The following TUB variants were observed in gnomAD, a reference collection of about 807,000 sequenced individuals.
TUB encodes TUB bipartite transcription factor.
A neutral mutation model predicts 59.7 loss-of-function variants in TUB; 33 were observed. The observed-to-expected ratio is 0.55, with a 90% confidence interval of 0.42 to 0.74. The LOEUF (loss-of-function observed/expected upper bound fraction) is 0.74, where lower values mean the gene tolerates loss of function less well. Among genes scored for constraint, TUB ranks in the 30% least tolerant of loss-of-function variants. The probability of loss-of-function intolerance (pLI) is 0.00; values close to 1 mark genes in which losing one functional copy is unlikely to be tolerated. For synonymous variants in TUB, 293 were observed against 256.4 expected, an observed-to-expected ratio of 1.14 and a Z score of -1.36; for missense variants, 659 against 672.0, an observed-to-expected ratio of 0.98 and a Z score of 0.21.
At chr11:8,033,267 G>A (rs1286554861) in intron 1 of TUB, among the ~76,000 whole-genome samples, 5 of 152,222 alleles carry the variant, frequency 3.3e-5, no homozygotes, top group South Asian at 2.1e-4. Context: ...TCAGGGGTCC[G>A]TTTCAGGGCC....
chr11:8,075,744 A>C (rs1268072034), intron 2 of TUB: 1 of 151,798 alleles, frequency 6.6e-6, no homozygotes, highest in Non-Finnish European at 1.5e-5. Context: ...GAAACGTCAG[A>C]GTTACACCAT....
In TUB at chr11:8,100,444, A is replaced by C. The variant is rs1023014190; in HGVS notation, c.1117-59A>C. 5 of 1,370,986 alleles carry C rather than the reference A, an allele frequency of 3.6e-6. No individual in the cohort carries two copies. In the African/African-American group the frequency reaches 4.3e-5, roughly 12 times the overall value. The allele number at this position is 1,370,986 out of a possible 1,614,324, so 84.9% of individuals were successfully genotyped here. A position where few individuals can be genotyped will look rare whatever the true frequency, so the allele number is the denominator to read the frequency against. ...CTTCCTCTTTATTCCCGTCCCCCCC[A>C]CCTTCTCCAGTAGGTAAATAGACGC... is the stretch of plus-strand genomic sequence containing the variant. On this transcript the variant is annotated intron_variant, in intron 9 of 11. Coordinates refer to ENST00000299506, the MANE Select transcript of TUB (RefSeq NM_177972.3).
At position 8,103,186 on chromosome 11, in the gene TUB, G is replaced by C. The variant is rs530614776; in HGVS notation, c.*1567G>C. 2 of 152,218 alleles carry C rather than the reference G, an allele frequency of 1.3e-5. No individual in the cohort carries two copies. Among genetic ancestry groups the C allele is most frequent in the African/African-American group, 2.4e-5 (1 of 41,442 alleles). The allele number at this position is 152,218 out of a possible 1,614,324, so 9.4% of individuals were successfully genotyped here. On this transcript the variant is annotated 3_prime_UTR_variant, in exon 12 of 12. Transcript: ENST00000299506. ...GCATAAAGGTTCTGGGGCTGGGCCT[G>C]AGCCTAACTCCCTCCACTACCGCTA...
In TUB at chr11:8,081,214, C is replaced by T. The variant is rs866290684; in HGVS notation, c.-297C>T. Reference sequence around the variant, plus strand: ...CAGGCCGCCGCTGCCACGCAGTACTCCCGCCTTGGCGCCAGAGGGGCGCGG... The same window carrying T: ...CAGGCCGCCGCTGCCACGCAGTACTTCCGCCTTGGCGCCAGAGGGGCGCGG... On this transcript the variant is annotated 5_prime_UTR_variant, in exon 1 of 12. Transcript: ENST00000299506. The T allele has an allele frequency of 8.3e-6, 2 of 241,594 alleles. No individual in the cohort carries two copies. Among genetic ancestry groups the T allele is most frequent in the Non-Finnish European group, 1.3e-5 (2 of 150,238 alleles). 15.0% of individuals were successfully genotyped at this position (241,594 alleles called of 1,614,324 possible).
intron 2 of TUB, among the ~76,000 whole-genome samples, chr11:8,059,170 T>A (rs555711655): frequency 6.6e-6 from 1 of 152,182 alleles, no homozygotes; most frequent in African/African-American, 2.4e-5. Flanking sequence ...CAGCCTGACC[T>A]CCTCCTGGCC....
intron 2 of TUB, among the ~76,000 whole-genome samples, chr11:8,052,755 G>A (rs373014440): frequency 3.3e-5 from 5 of 152,250 alleles, no homozygotes; most frequent in Admixed American, 1.3e-4. Context: ...GATTACAGGC[G>A]TGAGCCACTG....
rs984715848 is a variant in TUB, at chr11:8,101,893, T to A, written c.*274T>A. On this transcript the variant is annotated 3_prime_UTR_variant, in exon 12 of 12. Transcript: ENST00000299506. The stretch of plus-strand genomic sequence containing the variant: ...ACACACACTCCCACCCTTGGGGTAG[T>A]AGTGTGTTGTAGTCGTACTTACCAA... The A allele has an allele frequency of 4.4e-6, 2 of 453,122 alleles. No homozygotes were observed. The highest frequency in any genetic ancestry group is 3.9e-6 in the Non-Finnish European group (1 of 253,836). The allele number at this position is 453,122 out of a possible 1,614,324, so 28.1% of individuals were successfully genotyped here. A position where few individuals can be genotyped will look rare whatever the true frequency, so the allele number is the denominator to read the frequency against.
At chr11:8,062,175 C>T (rs1943141565) in intron 2 of TUB, 1 of 152,596 alleles carries the variant, frequency 6.6e-6, no homozygotes, top group African/African-American at 2.4e-5. Flanking sequence ...GGGTTTGGAC[C>T]TGGGCCTGGG....
intron 3 of TUB, among the ~76,000 whole-genome samples, chr11:8,091,982 A>G (rs557682272): frequency 6.6e-6 from 1 of 152,386 alleles, no homozygotes; most frequent in South Asian, 2.1e-4. Context: ...GCCTGCACCC[A>G]GGATTGTGGG....
chr11:8,105,903 C>CG lies in TUB; in HGVS notation c.*4286dup, dbSNP rs1409097432. On this transcript the variant is annotated 3_prime_UTR_variant, in exon 12 of 12. Coordinates refer to ENST00000299506, the MANE Select transcript of TUB (RefSeq NM_177972.3). ...GCTAGGAAAGGGAAGCCTGACTGCT[C>CG]GGTCAGGAGGGTGCAGTATCTCTTG... The CG allele has an allele frequency of 1.3e-5, 2 of 152,066 alleles. No individual in the cohort carries two copies. Among genetic ancestry groups the CG allele is most frequent in the East Asian group, 3.9e-4 (2 of 5,188 alleles). The allele number at this position is 152,066 out of a possible 1,614,324, so 9.4% of individuals were successfully genotyped here.
intron 3 of TUB, among the ~76,000 whole-genome samples, chr11:8,091,167 T>C (rs1403502164): frequency 6.6e-6 from 1 of 152,152 alleles, no homozygotes; most frequent in East Asian, 1.9e-4. Flanking sequence ...TTCATCTAAC[T>C]GCTGGCCCAT....
In TUB at chr11:8,096,493, T is replaced by G. The variant is rs531976258; in HGVS notation, c.566-192T>G. 6.6e-5 allele frequency among the ~76,000 whole-genome samples: 10 copies of G among 152,336 alleles called. No individual in the cohort carries two copies. In the South Asian group the frequency reaches 1.5e-3, roughly 22 times the overall value. ...TGTGTGTACCTGAGAGAATATCCTT[T>G]TATATCTGGACATGTGTGGGAATAT... On this transcript the variant is annotated intron_variant, in intron 5 of 11. Transcript: ENST00000299506.
At chr11:8,092,831 C>T (rs1943825078) in intron 3 of TUB, among the ~76,000 whole-genome samples, 1 of 152,156 alleles carries the variant, frequency 6.6e-6, no homozygotes, top group African/African-American at 2.4e-5. Context: ...TCCCTGTCTG[C>T]CCTCTACTGG....
At chr11:8,083,936 G>C (rs1324417643) in intron 1 of TUB, among the ~76,000 whole-genome samples, 5 of 152,286 alleles carry the variant, frequency 3.3e-5, no homozygotes, top group Non-Finnish European at 5.9e-5. Context: ...GATTCAAATT[G>C]CCTCTTGCAT....
intron 1 of TUB, among the ~76,000 whole-genome samples, chr11:8,027,906 G>A (rs77253671): frequency 8.8e-4 from 134 of 152,322 alleles, no homozygotes; most frequent in African/African-American, 3.0e-3. Flanking sequence ...ACATTGGTGC[G>A]CGCATATCTA....
Position 8,098,755 on chromosome 11 carries a change from C to A in TUB, c.999-3C>A. ...CTCTATACTGATTGTGCCTTTATTT[C>A]AGGTCCAACTTGATGGGCACCAAGT... is the stretch of plus-strand genomic sequence containing the variant. On this transcript the variant is annotated splice_region_variant and splice_polypyrimidine_tract_variant and intron_variant, in intron 8 of 11. Coordinates refer to ENST00000299506, the MANE Select transcript of TUB (RefSeq NM_177972.3). 1 of 1,610,684 alleles carries A rather than the reference C, an allele frequency of 6.2e-7. No homozygotes were observed. Among genetic ancestry groups the A allele is most frequent in the East Asian group, 2.2e-5 (1 of 44,856 alleles).
chr11:8,074,798 G>T (rs537890832), intron 2 of TUB, among the ~76,000 whole-genome samples: 23 of 140,210 alleles, frequency 1.6e-4, no homozygotes, highest in Admixed American at 5.4e-4. Flanking sequence ...CGAGACTGGA[G>T]TGCAGTGGCA....
At chr11:8,061,743 C>T (rs1436797408) in intron 2 of TUB, among the ~76,000 whole-genome samples, 1 of 152,090 alleles carries the variant, frequency 6.6e-6, no homozygotes, top group Non-Finnish European at 1.5e-5. Context: ...TCCAGATCCC[C>T]AAATAAAGCC....
intron 3 of TUB, among the ~76,000 whole-genome samples, chr11:8,091,757 G>C (rs1018998490): frequency 6.6e-6 from 1 of 152,164 alleles, no homozygotes; most frequent in Non-Finnish European, 1.5e-5. Context: ...AGCCCCAGCT[G>C]CTCCTCACAG....
Sources: allele counts gnomAD v4.1 joint callset (sites outside exome capture counted in the v4.1 genomes callset), GRCh38; gene constraint gnomAD v4.1.1; transcripts MANE v1.5; gene names NCBI Gene and HGNC (gene_info 2026-07-23, HGNC 2026-07-21).